FANCD2OS: variants seen among roughly 807,000 people sequenced by gnomAD.
The protein encoded by FANCD2OS is FANCD2 opposite strand protein.
In FANCD2OS, 11 loss-of-function variants were observed where a neutral mutation model predicts 13.2. The observed-to-expected ratio is 0.83, with a 90% confidence interval of 0.52 to 1.38. FANCD2OS has a LOEUF of 1.38. Among genes scored for constraint, FANCD2OS ranks in the 40% most tolerant of loss-of-function variants. The probability of loss-of-function intolerance (pLI) is 0.00; values close to 1 mark genes in which losing one functional copy is unlikely to be tolerated. For synonymous variants in FANCD2OS, 69 were observed against 84.5 expected, an observed-to-expected ratio of 0.82 and a Z score of 1.01; for missense variants, 217 against 213.9, an observed-to-expected ratio of 1.01 and a Z score of -0.09.
At chr3:10,095,370 T>C in intron 2 of FANCD2OS, 2 of 987,816 alleles carry the variant, frequency 2.0e-6, no homozygotes, top group South Asian at 2.7e-5. Flanking sequence ...TCTTCCTTTA[T>C]ATCTGGGACT....
intron 2 of FANCD2OS, among the ~76,000 whole-genome samples, chr3:10,084,644 A>G (rs1351844328): frequency 2.6e-5 from 4 of 152,188 alleles, no homozygotes; most frequent in East Asian, 3.8e-4. Context: ...TACATCAACT[A>G]TATCTCATTG....
chr3:10,083,271 A>G (rs543808355), intron 2 of FANCD2OS, among the ~76,000 whole-genome samples: 9 of 152,198 alleles, frequency 5.9e-5, no homozygotes, highest in Non-Finnish European at 1.3e-4. Flanking sequence ...AAGTTAACAC[A>G]GAAAATAAAC....
intron 2 of FANCD2OS, chr3:10,096,220 T>G (rs1358184467): frequency 1.7e-6 from 2 of 1,182,524 alleles, no homozygotes; most frequent in Non-Finnish European, 2.5e-6. Context: ...CGTTGGCCCA[T>G]ACTGGCAGGG....
At chr3:10,092,286 A>C in intron 2 of FANCD2OS, 1 of 1,506,832 alleles carries the variant, frequency 6.6e-7, no homozygotes, top group Non-Finnish European at 9.2e-7. Context: ...CATCTCACCA[A>C]ATAACTGCAG....
chr3:10,086,786 C>T (rs1301318314), intron 2 of FANCD2OS, among the ~76,000 whole-genome samples: 2 of 152,148 alleles, frequency 1.3e-5, no homozygotes, highest in Non-Finnish European at 2.9e-5. Flanking sequence ...CCTGTGAACC[C>T]AGATTTTACA....
At chr3:10,089,709 C>T (rs902539937) in intron 2 of FANCD2OS, among the ~76,000 whole-genome samples, 9 of 152,184 alleles carry the variant, frequency 5.9e-5, no homozygotes, top group Admixed American at 1.3e-4. Context: ...CTCAGGTGAT[C>T]TGCCTGCCTC....
intron 2 of FANCD2OS, among the ~76,000 whole-genome samples, chr3:10,089,961 A>C (rs1208613373): frequency 6.6e-6 from 1 of 152,204 alleles, no homozygotes; most frequent in Non-Finnish European, 1.5e-5. Flanking sequence ...ACTGCTGAGG[A>C]AAATGAGAGC....
At position 10,104,707 on chromosome 3, in the gene FANCD2OS, G is replaced by A. The variant is rs762391057; in HGVS notation, c.68C>T (p.Thr23Met). 4.3e-6 allele frequency: 7 copies of A among 1,612,702 alleles called. No homozygotes were observed. The highest frequency in any genetic ancestry group is 1.7e-5 in the Admixed American group (1 of 59,944). ...GTGCTTGGAGGAAGGTGTAGGTGTC[G>A]TGTGCCGCAGCCATTGGAAACTCTC... is the stretch of plus-strand genomic sequence containing the variant. ...LDESFQWLRHTTPTPSSKHPF... is the reference protein window; with the variant it reads ...LDESFQWLRHMTPTPSSKHPF... Residue 23 changes from threonine to methionine, a missense_variant, in exon 2 of 2, where the codon ACG becomes ATG. Transcript: ENST00000450660.
intron 2 of FANCD2OS, chr3:10,095,350 C>A: frequency 8.7e-7 from 1 of 1,155,600 alleles, no homozygotes; most frequent in Non-Finnish European, 1.3e-6. Flanking sequence ...GATCCATGGG[C>A]TACCATCCTT....
Position 10,088,520 on chromosome 3 carries a change from G to A in FANCD2OS, c.*44-6989C>T, listed in dbSNP as rs567825484. 2.3e-5 allele frequency: 37 copies of A among 1,607,064 alleles called. No homozygotes were observed. The South Asian group carries it at 4.1e-4, about 18-fold the overall frequency. Reference sequence around the variant, plus strand: ...TAAAGAGAAGAGCAACATCTCTAATGACCAGCTCCATGCTCTGCTCTGGTG... The same window carrying A: ...TAAAGAGAAGAGCAACATCTCTAATAACCAGCTCCATGCTCTGCTCTGGTG... On this transcript the variant is annotated intron_variant, in intron 2 of 2. Transcript: ENST00000524279.
chr3:10,102,143 CTTTTT>C (rs747148572), downstream of FANCD2OS, among the ~76,000 whole-genome samples: 42 of 133,194 alleles, frequency 3.2e-4, no homozygotes, highest in South Asian at 6.2e-3. Flanking sequence ...ATCTTCTTTC[CTTTTT>C]TTTTTTTTTT....
At chr3:10,101,644 A>T (rs59318799), downstream of FANCD2OS, 59,066 of 311,488 alleles carry the variant, frequency 0.19, 6,740 homozygotes, top group African/African-American at 0.36. Context: ...CAGCCTCCCA[A>T]AGTGCTGGGA....
At chr3:10,101,296 C>T (rs1212560706), downstream of FANCD2OS, 2 of 1,458,830 alleles carry the variant, frequency 1.4e-6, no homozygotes, top group Admixed American at 1.7e-5. Context: ...TTCTGTGTCT[C>T]TGCCAGCCTG....
intron 1 of FANCD2OS, among the ~76,000 whole-genome samples, chr3:10,105,771 ATTATATATATATAT>A (rs1454300780): frequency 1.4e-4 from 2 of 14,060 alleles, no homozygotes; most frequent in African/African-American, 1.3e-3. Context: ...AAAAAAAAAA[ATTATATATATATAT>A]ATATATATAT....
At chr3:10,099,903 A>T (rs1368219892), downstream of FANCD2OS, among the ~76,000 whole-genome samples, 1 of 152,148 alleles carries the variant, frequency 6.6e-6, no homozygotes, top group Admixed American at 6.5e-5. Context: ...ATCATTTAGT[A>T]TGAAAAGTCT....
intron 2 of FANCD2OS, among the ~76,000 whole-genome samples, chr3:10,089,113 T>A (rs1402511278): frequency 6.6e-6 from 1 of 151,976 alleles, no homozygotes; most frequent in Non-Finnish European, 1.5e-5. Flanking sequence ...AGTGAAACCC[T>A]GTCCCTACTA....
intron 2 of FANCD2OS, among the ~76,000 whole-genome samples, chr3:10,093,790 C>T (rs904742824): frequency 1.3e-4 from 20 of 152,166 alleles, no homozygotes; most frequent in African/African-American, 4.3e-4. Flanking sequence ...AATGCTACTT[C>T]GCCACTCCTC....
In FANCD2OS at chr3:10,105,810, ATATATATATATT is replaced by A. The variant is rs1290705046; in HGVS notation, c.-8-1040_-8-1029del. ...TATATATATATATATATATATATAT[ATATATATATATT>A]TTGAGGTTCGCGATGTATGAACCCT... On this transcript the variant is annotated intron_variant, in intron 1 of 1. Transcript: ENST00000450660. Among the ~76,000 whole-genome samples, 10 of 79,758 alleles carry A rather than the reference ATATATATATATT, an allele frequency of 1.3e-4. 2 individuals carry two copies. The highest frequency in any genetic ancestry group is 3.1e-4 in the African/African-American group (5 of 16,276). 52.3% of individuals were successfully genotyped at this position (79,758 alleles called of 152,430 possible). A position where few individuals can be genotyped will look rare whatever the true frequency, so the allele number is the denominator to read the frequency against.
rs767749019 is a variant in FANCD2OS at position 10,104,798 on chromosome 3, CAG to C, written c.-8-18_-8-17del. The C allele has an allele frequency of 1.4e-5, 21 of 1,531,664 alleles. No homozygotes were observed. The highest frequency in any genetic ancestry group is 1.8e-5 in the Non-Finnish European group (20 of 1,140,138). 94.9% of individuals were successfully genotyped at this position (1,531,664 alleles called of 1,614,324 possible). ...ATTGACAGTCCTAAAGGAGGGAAATCAGAGCATGGAATTTCCCTGACATGCTT... is the reference window on the plus strand; with the variant it reads ...ATTGACAGTCCTAAAGGAGGGAAATCAGCATGGAATTTCCCTGACATGCTT... On this transcript the variant is annotated splice_polypyrimidine_tract_variant and intron_variant, in intron 1 of 1. Transcript: ENST00000450660.
Sources: allele counts gnomAD v4.1 joint callset (sites outside exome capture counted in the v4.1 genomes callset), GRCh38; gene constraint gnomAD v4.1.1; transcripts MANE v1.5; gene names NCBI Gene and HGNC (gene_info 2026-07-23, HGNC 2026-07-21).